Variants in MGAT4C observed in about 807,000 individuals in gnomAD.
The protein encoded by MGAT4C is alpha-1,3-mannosyl-glycoprotein 4-beta-N-acetylglucosaminyltransferase C.
Under a neutral mutation model 40.1 loss-of-function variants are expected in MGAT4C, and 19 were observed. The observed-to-expected ratio is 0.47, with a 90% CI of 0.33 to 0.70. The LOEUF (loss-of-function observed/expected upper bound fraction) is 0.70. Among genes scored for constraint, MGAT4C ranks in the 30% least tolerant of loss-of-function variants. The probability of loss-of-function intolerance (pLI) is 0.02; values close to 1 mark genes in which losing one functional copy is unlikely to be tolerated. For synonymous variants in MGAT4C, 181 were observed against 187.1 expected (o/e 0.97, Z 0.27); for missense variants, 491 against 563.2 (o/e 0.87, Z 1.30).
intron 1 of MGAT4C, among the ~76,000 whole-genome samples, chr12:86,163,824 A>T (rs1885882033): frequency 6.6e-6 from 1 of 152,166 alleles, no homozygotes; most frequent in Non-Finnish European, 1.5e-5. Flanking sequence ...TTCATCTATC[A>T]ATCAATTTAT....
intron 2 of MGAT4C, among the ~76,000 whole-genome samples, chr12:86,585,530 T>C (rs1960981566): frequency 6.6e-6 from 1 of 151,478 alleles, no homozygotes; most frequent in South Asian, 2.1e-4. Flanking sequence ...GGGAAAATGT[T>C]ATTGATGGCT....
intron 1 of MGAT4C, among the ~76,000 whole-genome samples, chr12:86,761,694 G>A (rs1951409172): frequency 6.6e-6 from 1 of 152,080 alleles, no homozygotes; most frequent in Non-Finnish European, 1.5e-5. Flanking sequence ...GTAACTTCTA[G>A]TGGCCACCTG....
chr12:86,357,786 GT>G (rs771133875), intron 3 of MGAT4C, among the ~76,000 whole-genome samples: 2 of 152,126 alleles, frequency 1.3e-5, no homozygotes, highest in Non-Finnish European at 2.9e-5. Context: ...AGAAAAAAGA[GT>G]AAAAAGAATC....
At chr12:86,157,652 T>C (rs1419212971) in intron 1 of MGAT4C, among the ~76,000 whole-genome samples, 2 of 152,018 alleles carry the variant, frequency 1.3e-5, no homozygotes, top group African/African-American at 4.8e-5. Flanking sequence ...CAATTCCACA[T>C]GGTTTTGGAG....
At position 86,549,977 on chromosome 12, in the gene MGAT4C, G is replaced by A. The variant is rs12319924; in HGVS notation, c.-228-114712C>T. Reference sequence around the variant, plus strand: ...TGAAATGTAATCCCCACATGTCCAGGGAGGAACCTGTAATCCCCACCTGTC... The same window carrying A: ...TGAAATGTAATCCCCACATGTCCAGAGAGGAACCTGTAATCCCCACCTGTC... On this transcript the variant is annotated intron_variant, in intron 2 of 7. Transcript: ENST00000548651. Among the ~76,000 whole-genome samples the A allele has an allele frequency of 9.8e-3, 1,496 of 152,114 alleles. 26 individuals carry two copies. Among genetic ancestry groups the A allele is most frequent in the African/African-American group, 0.035 (1,438 of 41,500 alleles).
At chr12:86,728,048 A>AAATAAGT (rs2136116758) in intron 1 of MGAT4C, among the ~76,000 whole-genome samples, 1 of 152,212 alleles carries the variant, frequency 6.6e-6, no homozygotes, top group East Asian at 1.9e-4. Context: ...CTTTATTGAT[A>AAATAAGT]AATAAGTTTT....
intron 2 of MGAT4C, among the ~76,000 whole-genome samples, chr12:86,719,698 C>T (rs1055688072): frequency 7.9e-5 from 12 of 152,162 alleles, no homozygotes; most frequent in Non-Finnish European, 1.3e-4. Context: ...GCTTTCTGCT[C>T]ACAGAAATCC....
intron 1 of MGAT4C, among the ~76,000 whole-genome samples, chr12:86,837,266 A>C (rs943027234): frequency 6.6e-6 from 1 of 152,204 alleles, no homozygotes; most frequent in Non-Finnish European, 1.5e-5. Flanking sequence ...TCATGAAAAA[A>C]GAAGTACTTA....
intron 4 of MGAT4C, among the ~76,000 whole-genome samples, chr12:86,298,327 T>C (rs1953730487): frequency 6.6e-6 from 1 of 152,134 alleles, no homozygotes; most frequent in Admixed American, 6.5e-5. Context: ...TCAAATATTA[T>C]AAAATGGGAT....
chr12:86,208,254 T>A (rs537604089), intron 1 of MGAT4C, among the ~76,000 whole-genome samples: 70 of 152,306 alleles, frequency 4.6e-4, no homozygotes, highest in African/African-American at 1.5e-3. Context: ...TCACTTGAGA[T>A]CAGGAGTTCA....
intron 1 of MGAT4C, among the ~76,000 whole-genome samples, chr12:86,130,697 A>G (rs1246489685): frequency 6.6e-6 from 1 of 152,006 alleles, no homozygotes; most frequent in East Asian, 1.9e-4. Context: ...AGCTTATAAT[A>G]ATACATCCAT....
chr12:86,182,161 T>G (rs879786384), intron 1 of MGAT4C, among the ~76,000 whole-genome samples: 1 of 152,174 alleles, frequency 6.6e-6, no homozygotes, highest in Non-Finnish European at 1.5e-5. Flanking sequence ...ACTGTGAATA[T>G]CAACATTTTA....
At chr12:86,530,442 A>G (rs2136372062) in intron 2 of MGAT4C, among the ~76,000 whole-genome samples, 1 of 152,150 alleles carries the variant, frequency 6.6e-6, no homozygotes. Context: ...TGAAGCAAAG[A>G]CATATTATGT....
intron 1 of MGAT4C, among the ~76,000 whole-genome samples, chr12:86,764,080 G>A (rs567552391): frequency 1.6e-4 from 25 of 152,232 alleles, no homozygotes; most frequent in Admixed American, 3.9e-4. Flanking sequence ...CTCCAGAAGC[G>A]CAAGGGGTCA....
intron 3 of MGAT4C, among the ~76,000 whole-genome samples, chr12:86,348,010 A>G (rs1955077210): frequency 6.6e-6 from 1 of 152,174 alleles, no homozygotes; most frequent in African/African-American, 2.4e-5. Flanking sequence ...TATTTGAAAG[A>G]TACACACACA....
At chr12:86,432,719 G>C (rs1298872867) in intron 3 of MGAT4C, among the ~76,000 whole-genome samples, 3 of 151,966 alleles carry the variant, frequency 2.0e-5, no homozygotes, top group Non-Finnish European at 4.4e-5. Flanking sequence ...ATAAAGCAAA[G>C]AAAATTTGAA....
intron 1 of MGAT4C, among the ~76,000 whole-genome samples, chr12:86,088,716 G>T (rs1224325662): frequency 6.6e-6 from 1 of 150,766 alleles, no homozygotes; most frequent in African/African-American, 2.4e-5. Context: ...TATGTTAATA[G>T]GGCTACTATT....
rs894267928 is a variant in MGAT4C at position 86,780,110 on chromosome 12, A to G, written c.-261-52869T>C. Among the ~76,000 whole-genome samples, 11 of 152,078 alleles carry G rather than the reference A, an allele frequency of 7.2e-5. 1 individual carries two copies. Among genetic ancestry groups the G allele is most frequent in the East Asian group, 5.8e-4 (3 of 5,188 alleles). On this transcript the variant is annotated intron_variant, in intron 1 of 7. Coordinates refer to the MGAT4C transcript ENST00000548651. ...AACCTCAAAACTTGAAAGAACGTTT[A>G]TAATCACATTTTTTTAAATTTTTGT...
intron 1 of MGAT4C, among the ~76,000 whole-genome samples, chr12:86,813,002 G>A (rs1030963586): frequency 6.6e-6 from 1 of 151,978 alleles, no homozygotes; most frequent in Non-Finnish European, 1.5e-5. Flanking sequence ...TAGGTTTCAG[G>A]TCAAGAAATG....
Sources: gnomAD v4.1 joint callset for allele counts (sites outside exome capture counted in the v4.1 genomes callset) on GRCh38, gnomAD v4.1.1 for gene constraint, MANE v1.5 for transcripts, NCBI Gene and HGNC (gene_info 2026-07-23, HGNC 2026-07-21) for gene names.